Variants in SLC18A1 observed in about 807,000 individuals in gnomAD.
SLC18A1 encodes the protein solute carrier family 18 member A1.
A neutral mutation model predicts 53.7 loss-of-function variants in SLC18A1; 69 were observed. The observed-to-expected ratio is 1.28, with a 90% CI of 1.06 to 1.57. SLC18A1 has a LOEUF of 1.57. SLC18A1 is among the 40% of genes most tolerant of loss of function. The pLI, the probability that SLC18A1 is intolerant of heterozygous loss-of-function variation, is 0.00. For missense variants in SLC18A1, 932 were observed against 668.1 expected (o/e 1.40, Z -4.35); for synonymous variants, 320 against 248.1 (o/e 1.29, Z -2.72).
At position 20,165,103 on chromosome 8, in the gene SLC18A1, G is replaced by T. The variant is rs978918442; in HGVS notation, c.863C>A (p.Ala288Asp). ...AAGCATAAAGAGGGGAGTCCCCTTG[G>T]CACTCTGAGAACATGGATAACAAAA... ...LQPSKVSPES[A>D]KGTPLFMLLK... The change falls in exon 9 of 16, where the codon GCC becomes GAC. Residue 288 changes from alanine to aspartate, a missense_variant. Transcript: ENST00000276373. 1.2e-6 allele frequency: 2 copies of T among 1,613,844 alleles called. No individual in the cohort carries two copies. Among genetic ancestry groups the T allele is most frequent in the Non-Finnish European group, 1.7e-6 (2 of 1,179,834 alleles).
At chr8:20,155,037 G>T (rs1015586798) in intron 10 of SLC18A1, among the ~76,000 whole-genome samples, 1 of 152,096 alleles carries the variant, frequency 6.6e-6, no homozygotes, top group Non-Finnish European at 1.5e-5. Context: ...TGCATTCCAC[G>T]GTTCTCTTCT....
intron 15 of SLC18A1, among the ~76,000 whole-genome samples, chr8:20,146,266 G>C (rs199702675): frequency 6.6e-6 from 1 of 152,066 alleles, no homozygotes; most frequent in East Asian, 1.9e-4. Flanking sequence ...CCTCCCACTA[G>C]TTCTTCCAAG....
At chr8:20,159,473 G>A (rs1351192353) in intron 10 of SLC18A1, among the ~76,000 whole-genome samples, 1 of 151,902 alleles carries the variant, frequency 6.6e-6, no homozygotes, top group Non-Finnish European at 1.5e-5. Flanking sequence ...AAAAGCAGGA[G>A]GTAAAGAAAT....
At chr8:20,148,479 A>G (rs1319568065) in intron 12 of SLC18A1, 2 of 1,289,274 alleles carry the variant, frequency 1.6e-6, no homozygotes, top group Non-Finnish European at 1.0e-6. Context: ...CATTATGGAC[A>G]TCACTGAAAG....
chr8:20,168,463 G>T (rs1165819771), intron 8 of SLC18A1, among the ~76,000 whole-genome samples: 3 of 152,064 alleles, frequency 2.0e-5, no homozygotes, highest in Non-Finnish European at 4.4e-5. Context: ...TGTTTTTTAA[G>T]TTTTTTGTGA....
chr8:20,153,217 C>T (rs988346201), intron 10 of SLC18A1, among the ~76,000 whole-genome samples: 1 of 142,146 alleles, frequency 7.0e-6, no homozygotes, highest in Non-Finnish European at 1.6e-5. Flanking sequence ...CGTGGTTGTG[C>T]GTTTTTTTTG....
At chr8:20,168,883 A>C (rs2072040250) in intron 8 of SLC18A1, among the ~76,000 whole-genome samples, 1 of 152,270 alleles carries the variant, frequency 6.6e-6, no homozygotes. Context: ...TTGGTGAACT[A>C]GAAAAACCAG....
Position 20,147,250 on chromosome 8 carries a change from C to G in SLC18A1, c.1464+8G>C. 1 of 1,588,376 alleles carries G rather than the reference C, an allele frequency of 6.3e-7. No individual in the cohort carries two copies. The highest frequency in any genetic ancestry group is 1.2e-5 in the South Asian group (1 of 86,472). On this transcript the variant is annotated splice_region_variant and intron_variant, in intron 15 of 15. Transcript: ENST00000276373. Reference sequence around the variant, plus strand: ...TGAATTTCTCTTTTAACAGTCGGTGCTCCTTACAAGCTTCTCTTCCTTTGC... The same window carrying G: ...TGAATTTCTCTTTTAACAGTCGGTGGTCCTTACAAGCTTCTCTTCCTTTGC...
intron 10 of SLC18A1, among the ~76,000 whole-genome samples, chr8:20,158,844 C>A (rs1282463993): frequency 2.0e-5 from 3 of 152,100 alleles, no homozygotes; most frequent in Non-Finnish European, 4.4e-5. Flanking sequence ...TTTCTACATC[C>A]CTGTACATCC....
chr8:20,168,507 C>T (rs1314826487), intron 8 of SLC18A1, among the ~76,000 whole-genome samples: 1 of 151,882 alleles, frequency 6.6e-6, no homozygotes, highest in Non-Finnish European at 1.5e-5. Flanking sequence ...TATTATATAC[C>T]TATTTGGTAT....
intron 1 of SLC18A1, 61 bp from the exon 2 acceptor site, chr8:20,181,148 A>T: frequency 1.8e-6 from 1 of 569,406 alleles, no homozygotes; most frequent in Non-Finnish European, 3.0e-6. Context: ...AAACATCTCC[A>T]TGTCTGTATC....
Position 20,173,096 on chromosome 8 carries a change from C to T in SLC18A1, c.664G>A (p.Asp222Asn), listed in dbSNP as rs780219972. The T allele has an allele frequency of 5.7e-6, 9 of 1,580,102 alleles. No individual in the cohort carries two copies. The highest frequency in any genetic ancestry group is 6.9e-6 in the Non-Finnish European group (8 of 1,163,808). ...LGMLASVYTD[D>N]HERGRAMGTA... The stretch of plus-strand genomic sequence containing the variant: ...CCCATGGCTCGTCCTCTCTCATGGT[C>T]ATCAGTGTAGACACTGGCCAGCATT... Residue 222 changes from aspartate to asparagine, a missense_variant, in exon 6 of 16, where the codon GAC (aspartate) becomes AAC (asparagine). Asp to Asn is a conservative substitution (Grantham distance 23, BLOSUM62 1). Transcript: ENST00000276373.
chr8:20,164,910 A>G lies in SLC18A1; in HGVS notation c.974T>C (p.Ile325Thr), dbSNP rs2071916811. ...GVAILEPTLP[I>T]WMMQTMCSPK... Reference sequence around the variant, plus strand: ...GGAGCACATGGTCTGCATCATCCAGATGGGCAGTGTGGGCTCCAGGATGGC... The same window carrying G: ...GGAGCACATGGTCTGCATCATCCAGGTGGGCAGTGTGGGCTCCAGGATGGC... Residue 325 changes from isoleucine to threonine, a missense_variant, in exon 10 of 16, where the codon ATC (isoleucine) becomes ACC (threonine). By Grantham distance (89) the Ile-to-Thr change is moderately conservative. Transcript: ENST00000276373. 1 of 1,613,820 alleles carries G rather than the reference A, an allele frequency of 6.2e-7. No individual in the cohort carries two copies. Among genetic ancestry groups the G allele is most frequent in the Middle Eastern group, 1.7e-4 (1 of 6,058 alleles).
chr8:20,167,232 G>C (rs537740946), intron 8 of SLC18A1, among the ~76,000 whole-genome samples: 1 of 151,942 alleles, frequency 6.6e-6, no homozygotes, highest in East Asian at 1.9e-4. Context: ...ATGGAAGTAC[G>C]GTAATTTCTA....
Position 20,180,836 on chromosome 8 carries a change from C to A in SLC18A1, c.124+5G>T, listed in dbSNP as rs2270640. The A allele has an allele frequency of 6.2e-7, 1 of 1,613,788 alleles. No homozygotes were observed. The highest frequency in any genetic ancestry group is 8.5e-7 in the Non-Finnish European group (1 of 1,179,762). The stretch of plus-strand genomic sequence containing the variant: ...AACCCTCAGCACAAAGACCCACAAA[C>A]GTACCCACCACAGTAAACAGCATGT... On this transcript the variant is annotated splice_donor_5th_base_variant and intron_variant, in intron 2 of 15. Transcript: ENST00000276373.
chr8:20,174,794 T>A (rs941863449), intron 4 of SLC18A1, among the ~76,000 whole-genome samples: 1 of 152,202 alleles, frequency 6.6e-6, no homozygotes, highest in African/African-American at 2.4e-5. Context: ...GGTTCTTAGA[T>A]CATACTCCTG....
chr8:20,170,601 G>A (rs2072088308), intron 8 of SLC18A1, among the ~76,000 whole-genome samples: 1 of 151,832 alleles, frequency 6.6e-6, no homozygotes, highest in Admixed American at 6.6e-5. Flanking sequence ...TATTAACTGT[G>A]ACAGAATGAC....
chr8:20,174,245 C>G, intron 5 of SLC18A1, 116 bp downstream of exon 5: 1 of 792,624 alleles, frequency 1.3e-6, no homozygotes, highest in Non-Finnish European at 2.2e-6. Flanking sequence ...CAATTTCTAC[C>G]TATCCAGGTG....
intron 10 of SLC18A1, among the ~76,000 whole-genome samples, 194 bp downstream of exon 10, chr8:20,164,675 C>T (rs537473289): frequency 4.3e-4 from 66 of 152,308 alleles, no homozygotes; most frequent in Non-Finnish European, 4.6e-4. Flanking sequence ...CCCCTTTCAT[C>T]CTCTCTCACC....
Sources: gnomAD v4.1 joint callset for allele counts (sites outside exome capture counted in the v4.1 genomes callset) on GRCh38, gnomAD v4.1.1 for gene constraint, MANE v1.5 for transcripts, NCBI Gene and HGNC (gene_info 2026-07-23, HGNC 2026-07-21) for gene names.